Variants in HTR4 observed in about 807,000 individuals in gnomAD.
HTR4 encodes the protein 5-hydroxytryptamine receptor 4.
A neutral mutation model predicts 36.8 loss-of-function variants in HTR4; 16 were observed. The observed-to-expected ratio is 0.43, with a 90% CI of 0.29 to 0.66. The LOEUF (loss-of-function observed/expected upper bound fraction) is 0.66, where lower values mean the gene tolerates loss of function less well. Among genes scored for constraint, HTR4 ranks in the 30% least tolerant of loss-of-function variants. The pLI is 0.13. For synonymous variants in HTR4, 189 were observed against 185.1 expected, an observed-to-expected ratio of 1.02 and a Z score of -0.17; for missense variants, 438 against 490.9, an observed-to-expected ratio of 0.89 and a Z score of 1.02.
chr5:148,576,154 A>ATTAACAT (rs1401291347), intron 2 of HTR4, among the ~76,000 whole-genome samples: 1 of 146,834 alleles, frequency 6.8e-6, no homozygotes, highest in Admixed American at 6.9e-5. Context: ...GTAAAAAATC[A>ATTAACAT]TTAACATTCC....
At chr5:148,496,971 C>A (rs1756712908) in intron 6 of HTR4, among the ~76,000 whole-genome samples, 3 of 152,186 alleles carry the variant, frequency 2.0e-5, no homozygotes, top group Non-Finnish European at 2.9e-5. Context: ...CCAGAATCTG[C>A]AAACCTGGAG....
intron 2 of HTR4, among the ~76,000 whole-genome samples, chr5:148,583,521 T>C (rs1023638941): frequency 1.3e-5 from 2 of 151,866 alleles, no homozygotes; most frequent in Non-Finnish European, 2.9e-5. Context: ...ATTTTACAGA[T>C]GAAGAAACTG....
chr5:148,494,621 T>C (rs1756603749), intron 6 of HTR4, among the ~76,000 whole-genome samples: 1 of 152,238 alleles, frequency 6.6e-6, no homozygotes, highest in Non-Finnish European at 1.5e-5. Flanking sequence ...TTTTTGAGCG[T>C]TGCTGATAAC....
At chr5:148,610,605 TA>T (rs1305236770) in intron 2 of HTR4, among the ~76,000 whole-genome samples, 4 of 152,076 alleles carry the variant, frequency 2.6e-5, no homozygotes, top group African/African-American at 9.7e-5. Context: ...CTGGAAACTC[TA>T]AAAATCAGAG....
chr5:148,456,103 A>C (rs890097076), intron 5 of HTR4, among the ~76,000 whole-genome samples: 2 of 152,142 alleles, frequency 1.3e-5, no homozygotes, highest in African/African-American at 4.8e-5. Context: ...GGAAGGAGGA[A>C]CTAGTCCAAG....
intron 2 of HTR4, among the ~76,000 whole-genome samples, chr5:148,597,610 C>G (rs1301969889): frequency 1.3e-5 from 2 of 152,292 alleles, no homozygotes; most frequent in Admixed American, 6.5e-5. Context: ...AAAGCAGGGC[C>G]TTTGCACTGC....
intron 6 of HTR4, 170 bp downstream of exon 6, chr5:148,509,286 G>A (rs1757376441): frequency 1.8e-6 from 1 of 550,604 alleles, no homozygotes; most frequent in Non-Finnish European, 3.2e-6. Flanking sequence ...TCCAGAGCCT[G>A]AGTTCTTAAC....
At chr5:148,509,421 T>A (rs202023364) in intron 6 of HTR4, 35 bp downstream of exon 6, 2 of 1,493,442 alleles carry the variant, frequency 1.3e-6, no homozygotes, top group Non-Finnish European at 1.8e-6. Context: ...GTAATACAAA[T>A]CAACCAAATC....
At chr5:148,634,062 G>T (rs1753435973) in intron 2 of HTR4, among the ~76,000 whole-genome samples, 1 of 152,100 alleles carries the variant, frequency 6.6e-6, no homozygotes, top group African/African-American at 2.4e-5. Context: ...AATGAAGTGA[G>T]CAGTATGGCC....
At chr5:148,511,619 T>TGTG (rs1757500386) in intron 5 of HTR4, among the ~76,000 whole-genome samples, 4 of 139,276 alleles carry the variant, frequency 2.9e-5, no homozygotes, top group African/African-American at 1.1e-4. Context: ...TTGTGGAAGT[T>TGTG]TGTGTGTGTG....
chr5:148,479,363 C>T (rs547598246), downstream of HTR4, among the ~76,000 whole-genome samples: 6 of 151,944 alleles, frequency 3.9e-5, no homozygotes, highest in Non-Finnish European at 5.9e-5. Context: ...TGGAGGTTAC[C>T]GAGAAGCTCC....
intron 2 of HTR4, among the ~76,000 whole-genome samples, chr5:148,594,484 A>G (rs2127261672): frequency 6.6e-6 from 1 of 152,276 alleles, no homozygotes; most frequent in East Asian, 1.9e-4. Context: ...TTAGTTCAAT[A>G]GTTTCTGAAA....
intron 2 of HTR4, among the ~76,000 whole-genome samples, chr5:148,580,685 C>T (rs1313652453): frequency 1.3e-5 from 2 of 152,042 alleles, no homozygotes; most frequent in East Asian, 1.9e-4. Flanking sequence ...ATACATGTTG[C>T]CACAAATGTT....
chr5:148,568,969 G>T (rs1760563783), intron 2 of HTR4, among the ~76,000 whole-genome samples: 1 of 151,920 alleles, frequency 6.6e-6, no homozygotes, highest in African/African-American at 2.4e-5. Context: ...TACTATGCAG[G>T]TGTTAAAAAG....
intron 2 of HTR4, among the ~76,000 whole-genome samples, chr5:148,608,168 G>A (rs139457937): frequency 5.9e-5 from 9 of 152,282 alleles, no homozygotes; most frequent in South Asian, 2.1e-4. Context: ...AGTGTAAACC[G>A]TGCTTACTTT....
At chr5:148,554,326 C>T (rs1309152472) in intron 2 of HTR4, among the ~76,000 whole-genome samples, 6 of 152,134 alleles carry the variant, frequency 3.9e-5, no homozygotes, top group Non-Finnish European at 7.4e-5. Context: ...CCGCCCGCCT[C>T]GGCCTCCCAA....
At chr5:148,461,411 A>G (rs1056781811) in intron 5 of HTR4, among the ~76,000 whole-genome samples, 1 of 152,028 alleles carries the variant, frequency 6.6e-6, no homozygotes, top group Non-Finnish European at 1.5e-5. Flanking sequence ...TTAAGAGTAA[A>G]TGGATGGAGA....
intron 5 of HTR4, among the ~76,000 whole-genome samples, chr5:148,468,706 A>G (rs1755494648): frequency 6.6e-6 from 1 of 152,192 alleles, no homozygotes; most frequent in Admixed American, 6.5e-5. Flanking sequence ...TACATCAAGG[A>G]CAATGCTGAA....
At chr5:148,566,856 G>T in intron 2 of HTR4, among the ~76,000 whole-genome samples, 1 of 151,188 alleles carries the variant, frequency 6.6e-6, no homozygotes, top group Admixed American at 6.6e-5. Flanking sequence ...GTTATCTCTA[G>T]GTGATATTAA....
Sources: allele counts gnomAD v4.1 joint callset (sites outside exome capture counted in the v4.1 genomes callset), GRCh38; gene constraint gnomAD v4.1.1; transcripts MANE v1.5; gene names NCBI Gene and HGNC (gene_info 2026-07-23, HGNC 2026-07-21).